Variants in RGL1 observed in about 807,000 individuals in gnomAD.
RGL1 encodes ral guanine nucleotide dissociation stimulator like 1.
In RGL1, 24 loss-of-function variants were observed where a neutral mutation model predicts 95.2. The ratio of observed to expected loss-of-function variants is 0.25; its 90% CI spans 0.18 to 0.35. The LOEUF (loss-of-function observed/expected upper bound fraction) is 0.35, where lower values mean the gene tolerates loss of function less well. RGL1 is among the 10% of genes least tolerant of loss of function. The probability of loss-of-function intolerance (pLI) is 1.00; values close to 1 mark genes in which losing one functional copy is unlikely to be tolerated. For missense variants in RGL1, 715 were observed against 936.3 expected (o/e 0.76, Z 3.08); for synonymous variants, 329 against 344.9 (o/e 0.95, Z 0.51).
At position 183,916,682 on chromosome 1, in the gene RGL1, A is replaced by G; in HGVS notation, c.1985A>G (p.Asn662Ser). 1 of 1,613,196 alleles carries G rather than the reference A, an allele frequency of 6.2e-7. No homozygotes were observed. Among genetic ancestry groups the G allele is most frequent in the Non-Finnish European group, 8.5e-7 (1 of 1,179,944 alleles). ...IRISVEDNNG[N>S]MYKSIMLTSQ... ...ATCAGTGTGGAAGACAATAACGGCA[A>G]CATGTACAAGAGCATCATGGTGAGG... The change falls in exon 16 of 18, where the codon AAC (asparagine) becomes AGC (serine). Residue 662 changes from asparagine (N) to serine (S), a missense_variant. Asn to Ser is a conservative substitution (Grantham distance 46). Transcript: ENST00000360851.
chr1:183,906,036 C>T (rs1182229280), intron 13 of RGL1, among the ~76,000 whole-genome samples: 3 of 152,130 alleles, frequency 2.0e-5, no homozygotes, highest in Admixed American at 6.5e-5. Context: ...GTTGGCCCAT[C>T]CCTACCCTAG....
chr1:183,820,102 C>A (rs564945408), intron 2 of RGL1, among the ~76,000 whole-genome samples: 2 of 151,958 alleles, frequency 1.3e-5, no homozygotes, highest in East Asian at 1.9e-4. Context: ...TGTTTTGTTT[C>A]GTTTTGATTT....
At chr1:183,907,386 T>C (rs1266690897) in intron 14 of RGL1, among the ~76,000 whole-genome samples, 2 of 138,708 alleles carry the variant, frequency 1.4e-5, no homozygotes, top group Admixed American at 7.2e-5. Context: ...CTCCACTAAA[T>C]AGCTAGGTTG....
intron 2 of RGL1, among the ~76,000 whole-genome samples, chr1:183,776,253 A>G (rs906118571): frequency 1.4e-5 from 2 of 142,188 alleles, no homozygotes; most frequent in Admixed American, 7.7e-5. Flanking sequence ...GGTTCACGCC[A>G]TTCTCCTGCC....
At position 183,652,725 on chromosome 1, in the gene RGL1, C is replaced by T. The variant is rs571062457; in HGVS notation, c.-33+16224C>T. Among the ~76,000 whole-genome samples the T allele has an allele frequency of 5.9e-5, 9 of 152,310 alleles. No homozygotes were observed. In the East Asian group the frequency reaches 1.7e-3, roughly 29 times the overall value. ...GCTGGTGTCCCTACTTCCTGCCTAGCCCTTTTCCTTTTGCTTTGTCTGTGC... is the reference window on the plus strand; with the variant it reads ...GCTGGTGTCCCTACTTCCTGCCTAGTCCTTTTCCTTTTGCTTTGTCTGTGC... On this transcript the variant is annotated intron_variant, in intron 1 of 18. Coordinates refer to the RGL1 transcript ENST00000304685.
chr1:183,790,069 C>A (rs71632195), intron 2 of RGL1, among the ~76,000 whole-genome samples: 4,318 of 151,704 alleles, frequency 0.028, 93 homozygotes, highest in Middle Eastern at 0.079. Flanking sequence ...TACAGGCACC[C>A]GCCACCACAC....
Position 183,667,511 on chromosome 1 carries a change from A to G in RGL1, c.-33+31010A>G, listed in dbSNP as rs537321679. Among the ~76,000 whole-genome samples, 61 of 151,938 alleles carry G rather than the reference A, an allele frequency of 4.0e-4. 1 individual carries two copies. Among genetic ancestry groups the G allele is most frequent in the African/African-American group, 1.4e-3 (60 of 41,420 alleles). Reference sequence around the variant, plus strand: ...GGCTAATTTTTTGTATTTTTAGTAGAGACGGGGTTTCTTCATGGTGGTCAG... The same window carrying G: ...GGCTAATTTTTTGTATTTTTAGTAGGGACGGGGTTTCTTCATGGTGGTCAG... On this transcript the variant is annotated intron_variant, in intron 1 of 18. Transcript: ENST00000304685.
intron 16 of RGL1, among the ~76,000 whole-genome samples, chr1:183,919,544 G>A (rs1669192799): frequency 6.6e-6 from 1 of 152,216 alleles, no homozygotes. Flanking sequence ...ATTGCACACT[G>A]AGAACTGGTG....
intron 1 of RGL1, among the ~76,000 whole-genome samples, chr1:183,663,509 T>C (rs1346578071): frequency 6.6e-6 from 1 of 151,944 alleles, no homozygotes; most frequent in Non-Finnish European, 1.5e-5. Flanking sequence ...AAAATCACAA[T>C]GAGATACCAT....
chr1:183,695,016 A>G (rs1654171644), intron 1 of RGL1, among the ~76,000 whole-genome samples: 1 of 152,232 alleles, frequency 6.6e-6, no homozygotes. Context: ...GAGTCCACAG[A>G]ATCTCAAGTA....
intron 1 of RGL1, among the ~76,000 whole-genome samples, chr1:183,652,744 T>A (rs1225764990): frequency 1.3e-5 from 2 of 152,204 alleles, no homozygotes; most frequent in Non-Finnish European, 1.5e-5. Context: ...TTTTGCTTTG[T>A]CTGTGCTTGG....
At chr1:183,680,293 T>C (rs1340127080) in intron 1 of RGL1, among the ~76,000 whole-genome samples, 2 of 152,218 alleles carry the variant, frequency 1.3e-5, no homozygotes, top group Non-Finnish European at 2.9e-5. Context: ...TCTTTTCCCA[T>C]GCCTGTGTCC....
chr1:183,639,991 A>G (rs1461790195), intron 1 of RGL1, among the ~76,000 whole-genome samples: 1 of 151,978 alleles, frequency 6.6e-6, no homozygotes, highest in Admixed American at 6.6e-5. Context: ...ACAGGCGCAC[A>G]CCACCATGCC....
chr1:183,703,213 A>T (rs1243197814), intron 1 of RGL1, among the ~76,000 whole-genome samples: 2 of 152,188 alleles, frequency 1.3e-5, no homozygotes, highest in Non-Finnish European at 2.9e-5. Context: ...AAAAGCGACG[A>T]CTTTCTCAAT....
At chr1:183,720,223 T>C (rs956830376) in intron 1 of RGL1, among the ~76,000 whole-genome samples, 2 of 152,148 alleles carry the variant, frequency 1.3e-5, no homozygotes, top group African/African-American at 4.8e-5. Flanking sequence ...GCCTTAAAAA[T>C]CATTAATGGA....
chr1:183,731,928 A>G (rs1490311165), intron 1 of RGL1, among the ~76,000 whole-genome samples: 6 of 152,170 alleles, frequency 3.9e-5, no homozygotes, highest in Admixed American at 3.9e-4. Context: ...TCAAGGGCCA[A>G]TTAGTGGAGA....
intron 2 of RGL1, among the ~76,000 whole-genome samples, chr1:183,820,668 T>C (rs1662416620): frequency 6.6e-6 from 1 of 152,174 alleles, no homozygotes; most frequent in Non-Finnish European, 1.5e-5. Flanking sequence ...TATTGAGCAC[T>C]TGAAATATAG....
intron 14 of RGL1, among the ~76,000 whole-genome samples, chr1:183,908,907 C>T (rs1174237900): frequency 1.3e-5 from 2 of 152,196 alleles, no homozygotes; most frequent in East Asian, 1.9e-4. Flanking sequence ...TCTCCAAGCC[C>T]GGGATCTATA....
intron 1 of RGL1, among the ~76,000 whole-genome samples, chr1:183,703,846 G>T (rs1302616419): frequency 1.3e-5 from 2 of 152,196 alleles, no homozygotes; most frequent in Admixed American, 1.3e-4. Context: ...GATAGAGCAG[G>T]ACTGGGTGAT....
Sources: gnomAD v4.1 joint callset for allele counts (sites outside exome capture counted in the v4.1 genomes callset) on GRCh38, gnomAD v4.1.1 for gene constraint, MANE v1.5 for transcripts, NCBI Gene and HGNC (gene_info 2026-07-23, HGNC 2026-07-21) for gene names.